MCC: variants seen among roughly 807,000 people sequenced by gnomAD.
MCC encodes colorectal mutant cancer protein.
Under a neutral mutation model 116.2 loss-of-function variants are expected in MCC, and 90 were observed. That is an observed-to-expected ratio of 0.77 (90% CI 0.65 to 0.92). The LOEUF (loss-of-function observed/expected upper bound fraction) is 0.92, where lower values mean the gene tolerates loss of function less well. Among genes scored for constraint, MCC ranks in the 40% least tolerant of loss-of-function variants. The pLI is 0.00. For missense variants in MCC, 1,516 were observed against 1,312.2 expected (o/e 1.16, Z -2.40); for synonymous variants, 578 against 510.5 (o/e 1.13, Z -1.78).
intron 3 of MCC, among the ~76,000 whole-genome samples, chr5:113,233,112 G>C (rs757750895): frequency 1.3e-5 from 2 of 152,180 alleles, no homozygotes; most frequent in Non-Finnish European, 2.9e-5. Context: ...TTAGTGAAGA[G>C]AGGAAATGAG....
chr5:113,431,870 G>A (rs1158689807), intron 1 of MCC, among the ~76,000 whole-genome samples: 1 of 151,948 alleles, frequency 6.6e-6, no homozygotes, highest in Non-Finnish European at 1.5e-5. Context: ...GGGTACAGTG[G>A]CTCACACCTG....
intron 3 of MCC, among the ~76,000 whole-genome samples, chr5:113,226,128 A>G (rs956798806): frequency 6.6e-6 from 1 of 152,278 alleles, no homozygotes; most frequent in Non-Finnish European, 1.5e-5. Flanking sequence ...GTGAGCCACA[A>G]TTGTGCCACC....
intron 3 of MCC, among the ~76,000 whole-genome samples, chr5:113,195,661 G>A (rs905963613): frequency 7.2e-5 from 11 of 152,190 alleles, no homozygotes; most frequent in Non-Finnish European, 1.5e-4. Flanking sequence ...GCCAGATGGA[G>A]GGTGCAGAGG....
At position 113,029,179 on chromosome 5, in the gene MCC, G is replaced by GA. The variant is rs891927942; in HGVS notation, c.2757-124dup. Reference sequence around the variant, plus strand: ...TTGCAAAGCCTAAAGGCAAGGGAGAGAAAAGATACTAAAGGGCCCAACAGC... The same window carrying GA: ...TTGCAAAGCCTAAAGGCAAGGGAGAGAAAAAGATACTAAAGGGCCCAACAGC... On this transcript the variant is annotated intron_variant, in intron 17 of 18. Coordinates refer to ENST00000408903, the MANE Select transcript of MCC (RefSeq NM_001085377.2). 7 of 890,108 alleles carry GA rather than the reference G, an allele frequency of 7.9e-6. No homozygotes were observed. In the East Asian group the frequency reaches 1.7e-4, roughly 22 times the overall value. 55.1% of individuals were successfully genotyped at this position (890,108 alleles called of 1,614,324 possible). A position where few individuals can be genotyped will look rare whatever the true frequency, so the allele number is the denominator to read the frequency against.
chr5:113,394,991 A>G (rs1769488804), intron 1 of MCC, among the ~76,000 whole-genome samples: 1 of 152,192 alleles, frequency 6.6e-6, no homozygotes, highest in Non-Finnish European at 1.5e-5. Context: ...GGCCCACAAA[A>G]CCAAAAATAT....
intron 14 of MCC, among the ~76,000 whole-genome samples, chr5:113,060,752 T>A (rs1042464238): frequency 1.3e-5 from 2 of 152,238 alleles, no homozygotes; most frequent in Non-Finnish European, 2.9e-5. Flanking sequence ...ATGAGGACAT[T>A]TGAGCAGGAG....
At chr5:113,405,979 GCT>G (rs1359757931) in intron 1 of MCC, among the ~76,000 whole-genome samples, 1 of 152,012 alleles carries the variant, frequency 6.6e-6, no homozygotes, top group East Asian at 1.9e-4. Flanking sequence ...AAATCAAAAT[GCT>G]CTCTCTACTC....
intron 17 of MCC, among the ~76,000 whole-genome samples, chr5:113,035,550 C>T (rs1480627267): frequency 2.6e-5 from 4 of 152,190 alleles, no homozygotes; most frequent in African/African-American, 9.7e-5. Flanking sequence ...CCCTGCTTGA[C>T]CTGAGTGCTA....
chr5:113,416,354 G>A (rs1770147810), intron 1 of MCC, among the ~76,000 whole-genome samples: 2 of 152,124 alleles, frequency 1.3e-5, no homozygotes, highest in South Asian at 2.1e-4. Context: ...AGGAGTTTGA[G>A]GTTGTAGTGT....
chr5:113,133,398 T>G (rs1758588538), intron 5 of MCC, among the ~76,000 whole-genome samples: 1 of 152,230 alleles, frequency 6.6e-6, no homozygotes, highest in South Asian at 2.1e-4. Flanking sequence ...TTTGTCTTTT[T>G]GTGCTTTCTG....
intron 3 of MCC, among the ~76,000 whole-genome samples, chr5:113,315,703 A>G (rs1767261776): frequency 2.5e-5 from 2 of 80,396 alleles, no homozygotes; most frequent in Admixed American, 2.7e-4. Context: ...CCCCATCTCT[A>G]CAAAAAAAAA....
intron 3 of MCC, among the ~76,000 whole-genome samples, chr5:113,254,110 AG>A (rs1272591879): frequency 2.0e-5 from 3 of 152,220 alleles, no homozygotes; most frequent in African/African-American, 7.2e-5. Flanking sequence ...GAGTCTCCAA[AG>A]AAAGGTCCAT....
At chr5:113,351,889 A>C (rs749888938) in intron 2 of MCC, among the ~76,000 whole-genome samples, 25 of 152,162 alleles carry the variant, frequency 1.6e-4, no homozygotes, top group Non-Finnish European at 3.1e-4. Context: ...AGGAAGCTTC[A>C]TTTGAAATTT....
intron 1 of MCC, among the ~76,000 whole-genome samples, chr5:113,412,362 C>T (rs1218154966): frequency 6.6e-6 from 1 of 152,136 alleles, no homozygotes; most frequent in East Asian, 1.9e-4. Context: ...TTACCTTGGG[C>T]AGTATGGTCA....
chr5:113,307,191 C>G lies in MCC; in HGVS notation c.627+33328G>C, dbSNP rs149612023. Among the ~76,000 whole-genome samples, 316 of 152,270 alleles carry G rather than the reference C, an allele frequency of 2.1e-3. 1 individual carries two copies. In the Middle Eastern group the frequency reaches 0.024, roughly 11 times the overall value. ...TCAGCTTGTTATTGTGCCAAGTAGA[C>G]AGATGAAATTTTGATAGGCGTGCAC... On this transcript the variant is annotated intron_variant, in intron 3 of 18. Coordinates refer to ENST00000408903, the MANE Select transcript of MCC (RefSeq NM_001085377.2).
At chr5:113,356,871 T>C (rs1022113564) in intron 2 of MCC, among the ~76,000 whole-genome samples, 7 of 152,246 alleles carry the variant, frequency 4.6e-5, no homozygotes, top group African/African-American at 1.4e-4. Flanking sequence ...GACCAGATAC[T>C]GTACTAAGCA....
chr5:113,143,435 C>T (rs1759308759), intron 4 of MCC, 75 bp from the exon 5 acceptor site: 2 of 1,528,808 alleles, frequency 1.3e-6, no homozygotes, highest in Non-Finnish European at 1.8e-6. Context: ...AGCTTTGTGG[C>T]CTTAAACCAT....
chr5:113,124,205 G>A lies in MCC; in HGVS notation c.885-1379C>T, dbSNP rs973607013. On this transcript the variant is annotated intron_variant, in intron 5 of 18. Coordinates refer to ENST00000408903, the MANE Select transcript of MCC (RefSeq NM_001085377.2). ...GTGAAGACAAAAAATACAGGCTAAT[G>A]TTCTATGAATAAGTTAATTATTAGA... is the stretch of plus-strand genomic sequence containing the variant. Among the ~76,000 whole-genome samples the A allele has an allele frequency of 4.6e-5, 7 of 152,288 alleles. No homozygotes were observed. In the Middle Eastern group the frequency reaches 0.01, roughly 222 times the overall value.
At chr5:113,177,013 G>A (rs1374766879) in intron 3 of MCC, among the ~76,000 whole-genome samples, 1 of 152,170 alleles carries the variant, frequency 6.6e-6, no homozygotes, top group Non-Finnish European at 1.5e-5. Flanking sequence ...TGCTAAAAGA[G>A]AAATATAAAC....
Sources: allele counts gnomAD v4.1 joint callset (sites outside exome capture counted in the v4.1 genomes callset), GRCh38; gene constraint gnomAD v4.1.1; transcripts MANE v1.5; gene names NCBI Gene and HGNC (gene_info 2026-07-23, HGNC 2026-07-21).